ERC2: variants seen among roughly 807,000 people sequenced by gnomAD.
ERC2 encodes the protein ELKS/RAB6-interacting/CAST family member 2.
ERC2 carries 42 observed loss-of-function variants against 114.8 expected under a neutral mutation model. The observed-to-expected ratio is 0.37, with a 90% CI of 0.29 to 0.47. The LOEUF (loss-of-function observed/expected upper bound fraction) is 0.47, where lower values mean the gene tolerates loss of function less well. Ranked by LOEUF, ERC2 falls within the 20% of genes least tolerant of loss-of-function variation. The pLI is 0.99. For missense variants in ERC2, 939 were observed against 1,150.7 expected, an observed-to-expected ratio of 0.82 and a Z score of 2.66; for synonymous variants, 454 against 425.5, an observed-to-expected ratio of 1.07 and a Z score of -0.82.
chr3:55,511,192 G>A lies in ERC2; in HGVS notation c.*124C>T, dbSNP rs926570250. 1 of 152,628 alleles carries A rather than the reference G, an allele frequency of 6.6e-6. No homozygotes were observed. The highest frequency in any genetic ancestry group is 2.4e-5 in the African/African-American group (1 of 41,436). 9.5% of individuals were successfully genotyped at this position (152,628 alleles called of 1,614,324 possible). A position where few individuals can be genotyped will look rare whatever the true frequency, so the allele number is the denominator to read the frequency against. Reference sequence around the variant, plus strand: ...CTGATGAGCCGCTCCAGGTGGTGGTGGACAGTGATGTGAGCCGCACTGCAA... The same window carrying A: ...CTGATGAGCCGCTCCAGGTGGTGGTAGACAGTGATGTGAGCCGCACTGCAA... On this transcript the variant is annotated 3_prime_UTR_variant, in exon 18 of 18. Coordinates refer to ENST00000288221, the MANE Select transcript of ERC2 (RefSeq NM_015576.3).
intron 12 of ERC2, 119 bp downstream of exon 12, chr3:55,985,858 G>A (rs186172000): frequency 3.9e-5 from 33 of 850,374 alleles, no homozygotes; most frequent in African/African-American, 3.4e-4. Context: ...TGAAATGAGC[G>A]GGGGGAAATG....
At chr3:55,981,106 C>A (rs564561097) in intron 12 of ERC2, among the ~76,000 whole-genome samples, 58 of 152,328 alleles carry the variant, frequency 3.8e-4, no homozygotes, top group African/African-American at 1.3e-3. Context: ...AGCACCAATC[C>A]CTGGCTACGC....
At chr3:56,341,261 G>A (rs1003989702) in intron 2 of ERC2, among the ~76,000 whole-genome samples, 2 of 152,138 alleles carry the variant, frequency 1.3e-5, no homozygotes, top group African/African-American at 4.8e-5. Context: ...TGAACTGGTT[G>A]GGGCTGGAGT....
intron 6 of ERC2, among the ~76,000 whole-genome samples, chr3:56,090,425 T>C (rs1318268135): frequency 2.7e-5 from 4 of 146,584 alleles, no homozygotes; most frequent in African/African-American, 1.0e-4. Context: ...GTGTTAGGGA[T>C]ATAGCCTTTT....
intron 3 of ERC2, among the ~76,000 whole-genome samples, chr3:56,246,968 C>T (rs531458894): frequency 1.3e-5 from 2 of 152,250 alleles, no homozygotes; most frequent in African/African-American, 2.4e-5. Flanking sequence ...CTGGTGCCTA[C>T]AGGATGAATG....
chr3:55,654,035 ATAGC>A (rs1365277012), intron 17 of ERC2, among the ~76,000 whole-genome samples: 1 of 152,236 alleles, frequency 6.6e-6, no homozygotes, highest in Non-Finnish European at 1.5e-5. Context: ...GAAGGCCCAG[ATAGC>A]TGGGAAAACA....
intron 17 of ERC2, among the ~76,000 whole-genome samples, chr3:55,579,466 A>G (rs1472171180): frequency 6.6e-6 from 1 of 152,242 alleles, no homozygotes; most frequent in African/African-American, 2.4e-5. Context: ...GGATATCAAA[A>G]TCCACATAAT....
At chr3:56,302,996 A>G (rs11130510) in intron 2 of ERC2, among the ~76,000 whole-genome samples, 33,514 of 152,222 alleles carry the variant, frequency 0.22, 4,312 homozygotes, top group Non-Finnish European at 0.28. Flanking sequence ...ATTCTCCTCA[A>G]GTGCAAAGTG....
intron 17 of ERC2, among the ~76,000 whole-genome samples, chr3:55,650,898 G>A (rs1294999627): frequency 6.6e-6 from 1 of 150,890 alleles, no homozygotes; most frequent in East Asian, 2.0e-4. Context: ...CTGGGCTGGA[G>A]TGCGGTGGCG....
chr3:55,864,407 G>T (rs2062201237), intron 14 of ERC2, among the ~76,000 whole-genome samples: 1 of 151,582 alleles, frequency 6.6e-6, no homozygotes, highest in Admixed American at 6.6e-5. Flanking sequence ...TTCAAGAGAG[G>T]AGTTACTGTG....
intron 1 of ERC2, among the ~76,000 whole-genome samples, chr3:56,464,015 A>C (rs1296347949): frequency 6.6e-6 from 1 of 152,234 alleles, no homozygotes; most frequent in East Asian, 1.9e-4. Context: ...GCCCTCTAAA[A>C]TCAAACAGAG....
At chr3:55,773,079 T>C (rs750072520) in intron 14 of ERC2, among the ~76,000 whole-genome samples, 12 of 152,224 alleles carry the variant, frequency 7.9e-5, no homozygotes, top group East Asian at 1.9e-4. Flanking sequence ...AAATGTTACA[T>C]TGGAGCAAGT....
intron 2 of ERC2, among the ~76,000 whole-genome samples, chr3:56,338,827 A>G (rs1315912722): frequency 4.6e-5 from 7 of 152,238 alleles, no homozygotes; most frequent in Non-Finnish European, 7.3e-5. Flanking sequence ...TCAGGCCACA[A>G]AAATGAGTCT....
At position 56,100,455 on chromosome 3, in the gene ERC2, C is replaced by A. The variant is rs1048250752; in HGVS notation, c.1474-19471G>T. ...GACATTTCCCAGGTGGCATCCTTGC[C>A]CTTGATAGCTTACGTGACTTCACTT... On this transcript the variant is annotated intron_variant, in intron 6 of 17. Transcript: ENST00000288221. 3.9e-5 allele frequency among the ~76,000 whole-genome samples: 6 copies of A among 152,194 alleles called. No individual in the cohort carries two copies. The East Asian group carries it at 9.7e-4, about 25-fold the overall frequency.
chr3:56,320,434 T>A (rs1481773426), intron 2 of ERC2, among the ~76,000 whole-genome samples: 1 of 152,202 alleles, frequency 6.6e-6, no homozygotes, highest in Non-Finnish European at 1.5e-5. Context: ...ATAATCCACC[T>A]GAAATTGCAG....
chr3:56,008,866 G>T (rs1270374989), intron 9 of ERC2, among the ~76,000 whole-genome samples: 1 of 152,120 alleles, frequency 6.6e-6, no homozygotes, highest in East Asian at 1.9e-4. Flanking sequence ...CCTTCCAGTC[G>T]GCTTTTGCTG....
chr3:55,586,024 T>C (rs1250558653), intron 17 of ERC2, among the ~76,000 whole-genome samples: 1 of 152,082 alleles, frequency 6.6e-6, no homozygotes, highest in Non-Finnish European at 1.5e-5. Context: ...AGGGCAGCGT[T>C]TGAGAGCAGG....
At chr3:56,086,598 A>T (rs538311309) in intron 6 of ERC2, among the ~76,000 whole-genome samples, 1 of 152,158 alleles carries the variant, frequency 6.6e-6, no homozygotes, top group Non-Finnish European at 1.5e-5. Context: ...TCTAAAACCA[A>T]ATATGAACTT....
At chr3:56,209,813 A>C (rs2048950117) in intron 3 of ERC2, among the ~76,000 whole-genome samples, 1 of 152,162 alleles carries the variant, frequency 6.6e-6, no homozygotes, top group African/African-American at 2.4e-5. Context: ...AAAATTCTCA[A>C]GTGAGTTGAC....
Sources: gnomAD v4.1 joint callset for allele counts (sites outside exome capture counted in the v4.1 genomes callset) on GRCh38, gnomAD v4.1.1 for gene constraint, MANE v1.5 for transcripts, NCBI Gene and HGNC (gene_info 2026-07-23, HGNC 2026-07-21) for gene names.